The following CADPS variants were observed in gnomAD, a reference collection of about 807,000 sequenced individuals.
CADPS encodes calcium-dependent secretion activator 1.
In CADPS, 57 loss-of-function variants were observed where a neutral mutation model predicts 167.3. The ratio of observed to expected loss-of-function variants is 0.34; its 90% CI spans 0.28 to 0.42. The LOEUF (loss-of-function observed/expected upper bound fraction) is 0.42, where lower values mean the gene tolerates loss of function less well. Among genes scored for constraint, CADPS ranks in the 20% least tolerant of loss-of-function variants. The probability of loss-of-function intolerance (pLI) is 1.00; values close to 1 mark genes in which losing one functional copy is unlikely to be tolerated. For synonymous variants in CADPS, 676 were observed against 635.3 expected, an observed-to-expected ratio of 1.06 and a Z score of -0.96; for missense variants, 1,414 against 1,738.1, an observed-to-expected ratio of 0.81 and a Z score of 3.32.
At chr3:62,650,234 A>G (rs367770814) in intron 5 of CADPS, among the ~76,000 whole-genome samples, 17 of 152,284 alleles carry the variant, frequency 1.1e-4, no homozygotes, top group Middle Eastern at 3.4e-3. Flanking sequence ...GGTACCCAGG[A>G]ATCTGCATAG....
chr3:62,678,793 T>G (rs1019667258), intron 3 of CADPS, among the ~76,000 whole-genome samples: 1 of 151,526 alleles, frequency 6.6e-6, no homozygotes, highest in African/African-American at 2.4e-5. Flanking sequence ...CTTCCTGGTG[T>G]TCAGGAATTG....
At chr3:62,861,768 T>A (rs548574432) in intron 1 of CADPS, among the ~76,000 whole-genome samples, 11 of 152,350 alleles carry the variant, frequency 7.2e-5, no homozygotes, top group African/African-American at 2.6e-4. Context: ...GTGAAGGGCA[T>A]CTACCATCAT....
chr3:62,584,338 C>T (rs893033891), intron 8 of CADPS, among the ~76,000 whole-genome samples: 7 of 152,100 alleles, frequency 4.6e-5, no homozygotes, highest in Non-Finnish European at 1.0e-4. Flanking sequence ...ACTTTTAGTA[C>T]TTTGAGCTTT....
At chr3:62,436,919 A>C (rs2055189764) in intron 28 of CADPS, among the ~76,000 whole-genome samples, 1 of 152,132 alleles carries the variant, frequency 6.6e-6, no homozygotes, top group African/African-American at 2.4e-5. Flanking sequence ...ATGAGCTGGA[A>C]GTCAAAGCAT....
chr3:62,436,496 C>T (rs183164582), intron 28 of CADPS, among the ~76,000 whole-genome samples: 1 of 152,288 alleles, frequency 6.6e-6, no homozygotes, highest in East Asian at 1.9e-4. Flanking sequence ...ACTGCAGACC[C>T]GAGGGTCCTG....
intron 26 of CADPS, among the ~76,000 whole-genome samples, chr3:62,457,609 G>C (rs1317932134): frequency 6.6e-6 from 1 of 152,190 alleles, no homozygotes; most frequent in Admixed American, 6.5e-5. Context: ...ACCTTGTCAT[G>C]GGTAATAGTT....
chr3:62,737,244 T>A (rs1336202463), intron 3 of CADPS, among the ~76,000 whole-genome samples: 3 of 151,494 alleles, frequency 2.0e-5, no homozygotes, highest in Admixed American at 2.0e-4. Context: ...AGGCCAGGAG[T>A]TCGAGACCAG....
intron 3 of CADPS, among the ~76,000 whole-genome samples, chr3:62,717,565 C>T (rs73840977): frequency 2.8e-4 from 42 of 152,200 alleles, no homozygotes; most frequent in African/African-American, 9.6e-4. Flanking sequence ...TTCCTTTTTC[C>T]CCTCACATTC....
intron 15 of CADPS, 114 bp downstream of exon 15, chr3:62,516,466 T>A: frequency 1.2e-6 from 1 of 857,088 alleles, no homozygotes; most frequent in South Asian, 1.9e-5. Flanking sequence ...ATTTGATGAA[T>A]GGTAAACAAA....
At chr3:62,840,559 A>G (rs1210077635) in intron 1 of CADPS, among the ~76,000 whole-genome samples, 2 of 152,104 alleles carry the variant, frequency 1.3e-5, no homozygotes, top group Non-Finnish European at 2.9e-5. Flanking sequence ...TTGTATGTGT[A>G]TACTTTTTTA....
At chr3:62,505,749 T>A (rs1215623089) in intron 17 of CADPS, among the ~76,000 whole-genome samples, 1 of 152,210 alleles carries the variant, frequency 6.6e-6, no homozygotes, top group Non-Finnish European at 1.5e-5. Context: ...ATGCTTCTAC[T>A]TGAGCACTTC....
At chr3:62,743,725 C>T (rs1013866455) in intron 3 of CADPS, among the ~76,000 whole-genome samples, 3 of 152,200 alleles carry the variant, frequency 2.0e-5, no homozygotes, top group East Asian at 1.9e-4. Context: ...TACAATAGAA[C>T]GTAAATGAGC....
chr3:62,521,640 TG>T (rs1368264845), intron 13 of CADPS, among the ~76,000 whole-genome samples: 1 of 152,142 alleles, frequency 6.6e-6, no homozygotes, highest in East Asian at 1.9e-4. Flanking sequence ...CAGGCTGAGA[TG>T]TGTCTACACA....
intron 1 of CADPS, chr3:62,779,240 C>T (rs1424630211): frequency 9.4e-6 from 3 of 318,912 alleles, no homozygotes; most frequent in Non-Finnish European, 1.9e-5. Context: ...CCCTTCTGAG[C>T]TTCCAAAGGA....
intron 8 of CADPS, among the ~76,000 whole-genome samples, chr3:62,577,373 C>T (rs2082489890): frequency 1.3e-5 from 2 of 152,078 alleles, no homozygotes; most frequent in South Asian, 4.2e-4. Flanking sequence ...GAACTTATTC[C>T]TCCTTGTCAG....
chr3:62,791,252 T>C (rs1178416534), intron 1 of CADPS, among the ~76,000 whole-genome samples: 1 of 152,184 alleles, frequency 6.6e-6, no homozygotes, highest in Non-Finnish European at 1.5e-5. Flanking sequence ...CACTGTACAA[T>C]ATGGTAGACA....
At chr3:62,510,377 A>G (rs2067557876) in intron 17 of CADPS, among the ~76,000 whole-genome samples, 2 of 152,232 alleles carry the variant, frequency 1.3e-5, no homozygotes, top group South Asian at 4.1e-4. Flanking sequence ...TCAGAAAATT[A>G]TGCAAGTATT....
rs1217196776 is a variant in CADPS, at chr3:62,446,926, G to T, written c.3637-1129C>A. ...GGATGTCTTTTCACATCTCAGCCAG[G>T]CTTCCTCCTGCAATTTGGCTGAGAT... On this transcript the variant is annotated intron_variant, in intron 26 of 29. Coordinates refer to ENST00000383710, the MANE Select transcript of CADPS (RefSeq NM_003716.4). The surrounding 1 kb of genome is among the most constrained non-coding windows in gnomAD (Gnocchi z 4.9). Among the ~76,000 whole-genome samples the T allele has an allele frequency of 2.6e-5, 4 of 152,152 alleles. No individual in the cohort carries two copies. The highest frequency in any genetic ancestry group is 5.9e-5 in the Non-Finnish European group (4 of 68,022).
In CADPS at chr3:62,788,127, T is replaced by C. The variant is rs543817382; in HGVS notation, c.442-22143A>G. On this transcript the variant is annotated intron_variant, in intron 1 of 29. Coordinates refer to ENST00000383710, the MANE Select transcript of CADPS (RefSeq NM_003716.4). Reference sequence around the variant, plus strand: ...CTCAAGGCCCGCTTGAATGATGTGATATGAACACACCACACAGTTAAATCT... The same window carrying C: ...CTCAAGGCCCGCTTGAATGATGTGACATGAACACACCACACAGTTAAATCT... Among the ~76,000 whole-genome samples, 22 of 152,320 alleles carry C rather than the reference T, an allele frequency of 1.4e-4. No individual in the cohort carries two copies. In the East Asian group the frequency reaches 4.1e-3, roughly 28 times the overall value.
Sources: allele counts gnomAD v4.1 joint callset (sites outside exome capture counted in the v4.1 genomes callset), GRCh38; gene constraint gnomAD v4.1.1; non-coding constraint Gnocchi (gnomAD v3.1); transcripts MANE v1.5; gene names NCBI Gene and HGNC (gene_info 2026-07-23, HGNC 2026-07-21).